COL12A1: variants seen among roughly 807,000 people sequenced by gnomAD.
COL12A1 encodes collagen alpha-1(XII) chain.
COL12A1 carries 114 observed loss-of-function variants against 349.7 expected under a neutral mutation model. That is an observed-to-expected ratio of 0.33 (90% CI 0.28 to 0.38). COL12A1 has a LOEUF of 0.38. COL12A1 is among the 10% of genes least tolerant of loss of function. COL12A1 has a pLI of 1.00. For missense variants in COL12A1, 3,284 were observed against 3,756.9 expected (o/e 0.87, Z 3.29); for synonymous variants, 1,369 against 1,329.0 (o/e 1.03, Z -0.66).
intron 2 of COL12A1, among the ~76,000 whole-genome samples, chr6:75,195,894 G>C (rs899527939): frequency 1.3e-5 from 2 of 152,168 alleles, no homozygotes; most frequent in Non-Finnish European, 2.9e-5. Context: ...AGAAGGATCA[G>C]TGATCTGAAG....
At chr6:75,117,932 G>C (rs1233057392) in intron 46 of COL12A1, among the ~76,000 whole-genome samples, 1 of 152,060 alleles carries the variant, frequency 6.6e-6, no homozygotes, top group African/African-American at 2.4e-5. Context: ...TTAAAATCTG[G>C]GTTCTTGAAA....
intron 46 of COL12A1, 97 bp from the exon 47 acceptor site, chr6:75,117,643 T>G: frequency 7.4e-7 from 1 of 1,352,128 alleles, no homozygotes; most frequent in South Asian, 1.5e-5. Flanking sequence ...TGATGCTGTA[T>G]TTTCTTAATG....
At chr6:75,152,514 G>A in intron 17 of COL12A1, 32 bp from the exon 18 acceptor site, 1 of 1,611,576 alleles carries the variant, frequency 6.2e-7, no homozygotes, top group African/African-American at 1.3e-5. Flanking sequence ...AAGACAGTAA[G>A]AAGCAAATTG....
At chr6:75,126,185 T>C (rs1044934374) in intron 39 of COL12A1, among the ~76,000 whole-genome samples, 166 bp downstream of exon 39, 1 of 152,170 alleles carries the variant, frequency 6.6e-6, no homozygotes, top group Non-Finnish European at 1.5e-5. Flanking sequence ...GTACTTTAGA[T>C]GACTGGCTTA....
At chr6:75,202,123 C>T (rs1033236135) in intron 2 of COL12A1, among the ~76,000 whole-genome samples, 1 of 152,224 alleles carries the variant, frequency 6.6e-6, no homozygotes, top group Admixed American at 6.5e-5. Flanking sequence ...GTCGTGCGAA[C>T]ACCTGGGGTC....
chr6:75,175,849 C>T (rs980816920), intron 12 of COL12A1, among the ~76,000 whole-genome samples: 3 of 152,194 alleles, frequency 2.0e-5, no homozygotes, highest in African/African-American at 4.8e-5. Flanking sequence ...GCCTTGGGTA[C>T]AAATCCCGAG....
At chr6:75,102,497 T>C in intron 56 of COL12A1, 100 bp downstream of exon 56, 1 of 896,960 alleles carries the variant, frequency 1.1e-6, no homozygotes, top group Non-Finnish European at 1.6e-6. Context: ...CTCGTTGAAT[T>C]ATCTGAGAAA....
intron 49 of COL12A1, among the ~76,000 whole-genome samples, chr6:75,115,425 C>G (rs1339084924): frequency 6.6e-6 from 1 of 152,072 alleles, no homozygotes; most frequent in African/African-American, 2.4e-5. Context: ...AAAGAATGCT[C>G]TCGGTCTGCA....
intron 58 of COL12A1, among the ~76,000 whole-genome samples, chr6:75,097,870 T>A (rs887248546): frequency 3.9e-5 from 6 of 152,180 alleles, no homozygotes; most frequent in Non-Finnish European, 8.8e-5. Context: ...ACCTTCATTC[T>A]CTTCCATCAT....
chr6:75,134,731 T>C lies in COL12A1; in HGVS notation c.5519A>G (p.Lys1840Arg). 1 of 1,605,136 alleles carries C rather than the reference T, an allele frequency of 6.2e-7. No individual in the cohort carries two copies. The highest frequency in any genetic ancestry group is 8.5e-7 in the Non-Finnish European group (1 of 1,174,112). ...GGAACTCAGGTTTCACTTACTGGTC[T>C]TGCCTCTTCCCGTCATCCGACCTCC... is the stretch of plus-strand genomic sequence containing the variant. ...GEGGRMTGRGKTKPLNTVRNL... is the reference protein window; with the variant it reads ...GEGGRMTGRGRTKPLNTVRNL... The change falls in exon 32 of 66, where the codon AAG becomes AGG. Residue 1840 changes from lysine to arginine, a missense_variant. Lys to Arg is a conservative substitution (Grantham distance 26). Transcript: ENST00000322507.
intron 43 of COL12A1, among the ~76,000 whole-genome samples, chr6:75,121,735 G>A (rs1410644870): frequency 2.6e-5 from 4 of 151,912 alleles, no homozygotes; most frequent in African/African-American, 4.8e-5. Flanking sequence ...ATTATGCAAA[G>A]ATACAATCTT....
chr6:75,129,596 A>T (rs1259763199), intron 37 of COL12A1, among the ~76,000 whole-genome samples: 1 of 152,212 alleles, frequency 6.6e-6, no homozygotes, highest in Non-Finnish European at 1.5e-5. Context: ...AGCTAATAGG[A>T]GAGTATTTAT....
chr6:75,133,334 G>A lies in COL12A1; in HGVS notation c.5753C>T (p.Thr1918Ile), dbSNP rs1342281119. The change falls in exon 34 of 66, where the codon ACT (threonine) becomes ATT (isoleucine). Residue 1918 changes from threonine (T) to isoleucine (I), a missense_variant. By Grantham distance (89) the Thr-to-Ile change is moderately conservative (BLOSUM62 -1). Transcript: ENST00000322507. Reference protein sequence around the residue: ...SYTVTVVPVYTEGDGGRTSDT... With the variant: ...SYTVTVVPVYIEGDGGRTSDT... ...TGATGTGCGTCCCCCATCACCTTCA[G>A]TATAAACGGGAACTACAGTCACAGT... 1 of 1,611,106 alleles carries A rather than the reference G, an allele frequency of 6.2e-7. No individual in the cohort carries two copies.
chr6:75,093,439 T>A (rs1767864214), intron 60 of COL12A1, among the ~76,000 whole-genome samples: 1 of 152,194 alleles, frequency 6.6e-6, no homozygotes, highest in Non-Finnish European at 1.5e-5. Flanking sequence ...TGCTAAGACC[T>A]ATATATACCT....
Position 75,100,622 on chromosome 6 carries a change from C to T in COL12A1, c.8523+978G>A, listed in dbSNP as rs542019370. Among the ~76,000 whole-genome samples, 4 of 152,284 alleles carry T rather than the reference C, an allele frequency of 2.6e-5. No homozygotes were observed. In the East Asian group the frequency reaches 7.7e-4, roughly 29 times the overall value. On this transcript the variant is annotated intron_variant, in intron 58 of 65. Transcript: ENST00000322507. Reference sequence around the variant, plus strand: ...TCTCTCCCCGAAACTCAAAAGGAGGCATGGGAACAAATAAAGTTCACTGGC... The same window carrying T: ...TCTCTCCCCGAAACTCAAAAGGAGGTATGGGAACAAATAAAGTTCACTGGC...
chr6:75,181,209 A>T lies in COL12A1; in HGVS notation c.1894T>A (p.Tyr632Asn). 6.8e-7 allele frequency: 1 copy of T among 1,464,664 alleles called. No individual in the cohort carries two copies. Among genetic ancestry groups the T allele is most frequent in the South Asian group, 1.2e-5 (1 of 80,940 alleles). The allele number at this position is 1,464,664 out of a possible 1,614,324, so 90.7% of individuals were successfully genotyped here. Residue 632 changes from tyrosine (Y) to asparagine (N), a missense_variant and splice_region_variant, in exon 11 of 66, where the codon TAC (tyrosine) becomes AAC (asparagine). Physicochemically the swap from Tyr to Asn is moderately radical, Grantham distance 143. Around this residue, in one of 2 missense-constraint regions of COL12A1, gnomAD observed 2,601 missense variants for 2,824.8 expected, o/e 0.92. Transcript: ENST00000322507. ...QELAAIKKKA[Y>N]VPPKDLSFSE... is the part of the protein sequence containing the mutation. ...AAACTAAGATCCTTTGGAGGGACGT[A>T]AGCTATTTAAAAAAAAAAAAAGACA...
rs545869970 is a variant in COL12A1 at position 75,187,939 on chromosome 6, A to AC, written c.997+422dup. Among the ~76,000 whole-genome samples the AC allele has an allele frequency of 3.0e-3, 458 of 152,084 alleles. 6 individuals carry two copies. Among genetic ancestry groups the AC allele is most frequent in the Non-Finnish European group, 5.3e-3 (357 of 67,948 alleles). On this transcript the variant is annotated intron_variant, in intron 8 of 65. Transcript: ENST00000322507. The stretch of plus-strand genomic sequence containing the variant: ...ATTACTCAGAGTATAATGATAGAAA[A>AC]CCCTTGTCCTTAGCTAGTTAGCAGA...
At chr6:75,184,264 G>A (rs1769489679) in intron 8 of COL12A1, 120 bp from the exon 9 acceptor site, 1 of 1,107,216 alleles carries the variant, frequency 9.0e-7, no homozygotes. Flanking sequence ...ATTGAAAAGA[G>A]TTGCCCAATA....
intron 14 of COL12A1, among the ~76,000 whole-genome samples, chr6:75,165,186 T>C (rs905359503): frequency 7.2e-5 from 11 of 152,086 alleles, no homozygotes; most frequent in Admixed American, 5.9e-4. Flanking sequence ...CATGCAGCTA[T>C]ACAAATGTGC....
Sources: allele counts gnomAD v4.1 joint callset (sites outside exome capture counted in the v4.1 genomes callset), GRCh38; gene constraint gnomAD v4.1.1; regional missense constraint gnomAD v4.1.1; transcripts MANE v1.5; gene names NCBI Gene and HGNC (gene_info 2026-07-23, HGNC 2026-07-21).